The following OR8B3 variants were observed in gnomAD, a reference collection of about 807,000 sequenced individuals.
The protein encoded by OR8B3 is olfactory receptor family 8 subfamily B member 3, also known as olfactory receptor 8B3.
For missense variants in OR8B3, 278 were observed against 377.6 expected (o/e 0.74, Z 2.19); for synonymous variants, 102 against 135.4 (o/e 0.75, Z 1.71).
chr11:124,405,274 C>T, the OR8B3 span, among the ~76,000 whole-genome samples: 2 of 152,114 alleles, frequency 1.3e-5, no homozygotes, highest in African/African-American at 4.8e-5. Flanking sequence ...GTCCCCAAGA[C>T]CTGAAATTCC....
chr11:124,403,482 G>A (rs1175671301), upstream of OR8B3, among the ~76,000 whole-genome samples: 3 of 151,542 alleles, frequency 2.0e-5, no homozygotes, highest in African/African-American at 4.8e-5. Flanking sequence ...ATGGGGTCGC[G>A]GCCGGGCAGA....
chr11:124,400,192 CT>C (rs1183504931), upstream of OR8B3, among the ~76,000 whole-genome samples: 1 of 152,024 alleles, frequency 6.6e-6, no homozygotes, highest in Non-Finnish European at 1.5e-5. Flanking sequence ...GATGTATAAA[CT>C]TTTGTTTTCT....
the OR8B3 span, among the ~76,000 whole-genome samples, chr11:124,405,772 A>G: frequency 6.6e-6 from 1 of 152,254 alleles, no homozygotes; most frequent in Admixed American, 6.5e-5. Flanking sequence ...CAAAGCCCAG[A>G]GAATGATTCT....
rs764677923 is a variant in OR8B3 at position 124,396,523 on chromosome 11, A to T, written c.829T>A (p.Tyr277Asn). ...TTGAGCATGGGCACCACATTAGTGT[A>T]GAAAACAGAAGAAACTTTTCCCTGC... Reference protein sequence around the residue: ...MEQGKVSSVFYTNVVPMLNPL... With the variant: ...MEQGKVSSVFNTNVVPMLNPL... The change falls in exon 2 of 2, where the codon TAC becomes AAC. Residue 277 changes from tyrosine to asparagine, a missense_variant. Tyr to Asn is a moderately radical substitution (Grantham distance 143, BLOSUM62 -2). Coordinates refer to ENST00000641139, the MANE Select transcript of OR8B3 (RefSeq NM_001005467.2). 28 of 1,613,988 alleles carry T rather than the reference A, an allele frequency of 1.7e-5. No homozygotes were observed. The highest frequency in any genetic ancestry group is 2.3e-5 in the Non-Finnish European group (27 of 1,180,010).
At chr11:124,406,435 G>A in the OR8B3 span, among the ~76,000 whole-genome samples, 1 of 152,094 alleles carries the variant, frequency 6.6e-6, no homozygotes, top group South Asian at 2.1e-4. Context: ...CCTTTTCCCT[G>A]CGTGCTCCCT....
Position 124,396,169 on chromosome 11 carries a change from T to A in OR8B3, c.*241A>T. The stretch of plus-strand genomic sequence containing the variant: ...AGAGAGGAAGGATATAAAATGATAA[T>A]GAAAAATATCAGTGCATATGTTCCT... On this transcript the variant is annotated 3_prime_UTR_variant, in exon 2 of 2. Coordinates refer to ENST00000641139, the MANE Select transcript of OR8B3 (RefSeq NM_001005467.2). The A allele has an allele frequency of 2.4e-6, 1 of 415,768 alleles. No homozygotes were observed. The highest frequency in any genetic ancestry group is 4.2e-6 in the Non-Finnish European group (1 of 236,494). 25.8% of individuals were successfully genotyped at this position (415,768 alleles called of 1,614,324 possible). A position where few individuals can be genotyped will look rare whatever the true frequency, so the allele number is the denominator to read the frequency against.
At position 124,396,254 on chromosome 11, in the gene OR8B3, CA is replaced by C. The variant is rs1322317005; in HGVS notation, c.*155del. On this transcript the variant is annotated 3_prime_UTR_variant, in exon 2 of 2. Coordinates refer to ENST00000641139, the MANE Select transcript of OR8B3 (RefSeq NM_001005467.2). ...GTGAGAAGTGCCAGAGATGCAAAAC[CA>C]AAAAAAGAGACAAGATGATTTCATA... 9.0e-6 allele frequency: 7 copies of C among 778,832 alleles called. No homozygotes were observed. The highest frequency in any genetic ancestry group is 1.4e-5 in the Non-Finnish European group (7 of 511,746). 48.2% of individuals were successfully genotyped at this position (778,832 alleles called of 1,614,324 possible).
upstream of OR8B3, among the ~76,000 whole-genome samples, chr11:124,400,787 C>G (rs1860981638): frequency 6.6e-6 from 1 of 152,020 alleles, no homozygotes; most frequent in Non-Finnish European, 1.5e-5. Context: ...ATCCTCCCAC[C>G]TTGGCCTCCC....
the OR8B3 span, among the ~76,000 whole-genome samples, chr11:124,405,368 C>T: frequency 6.6e-6 from 1 of 152,168 alleles, no homozygotes; most frequent in Non-Finnish European, 1.5e-5. Flanking sequence ...AGACCTTATG[C>T]CGTTTCAGCA....
chr11:124,406,055 A>G, the OR8B3 span, among the ~76,000 whole-genome samples: 5 of 152,290 alleles, frequency 3.3e-5, no homozygotes, highest in East Asian at 3.9e-4. Flanking sequence ...ACTTTCCTAC[A>G]TGCCTTTGGG....
At position 124,397,225 on chromosome 11, in the gene OR8B3, G is replaced by C. The variant is rs1367452434; in HGVS notation, c.127C>G (p.Leu43Val). The C allele has an allele frequency of 6.2e-7, 1 of 1,608,504 alleles. No individual in the cohort carries two copies. The highest frequency in any genetic ancestry group is 8.5e-7 in the Non-Finnish European group (1 of 1,179,226). Residue 43 changes from leucine to valine, a missense_variant, in exon 2 of 2, where the codon CTT (leucine) becomes GTT (valine). Coordinates refer to ENST00000641139, the MANE Select transcript of OR8B3 (RefSeq NM_001005467.2). ...VVYIVTMVGNLGLIILFGLNS... is the reference protein window; with the variant it reads ...VVYIVTMVGNVGLIILFGLNS... Reference sequence around the variant, plus strand: ...AGACCGAAAAGAATGATCAAGCCAAGGTTGCCTACCATGGTGACAATGTAG... The same window carrying C: ...AGACCGAAAAGAATGATCAAGCCAACGTTGCCTACCATGGTGACAATGTAG...
chr11:124,404,223 T>C, the OR8B3 span: 1 of 152,238 alleles, frequency 6.6e-6, no homozygotes, highest in African/African-American at 2.4e-5. Flanking sequence ...AAATACGTTC[T>C]ATAGCTGTTC....
In OR8B3 at chr11:124,396,167, A is replaced by G; in HGVS notation, c.*243T>C. The G allele has an allele frequency of 4.9e-6, 2 of 411,044 alleles. No individual in the cohort carries two copies. The highest frequency in any genetic ancestry group is 8.6e-6 in the Non-Finnish European group (2 of 233,532). The allele number at this position is 411,044 out of a possible 1,614,324, so 25.5% of individuals were successfully genotyped here. On this transcript the variant is annotated 3_prime_UTR_variant, in exon 2 of 2. Coordinates refer to ENST00000641139, the MANE Select transcript of OR8B3 (RefSeq NM_001005467.2). The stretch of plus-strand genomic sequence containing the variant: ...GGAGAGAGGAAGGATATAAAATGAT[A>G]ATGAAAAATATCAGTGCATATGTTC...
chr11:124,409,803 T>C, the OR8B3 span, among the ~76,000 whole-genome samples: 2 of 152,150 alleles, frequency 1.3e-5, no homozygotes, highest in African/African-American at 4.8e-5. Context: ...GTTAGAGAAA[T>C]ACAGTTGAAC....
chr11:124,407,393 G>A, the OR8B3 span, among the ~76,000 whole-genome samples: 6 of 152,028 alleles, frequency 3.9e-5, no homozygotes, highest in African/African-American at 7.2e-5. Flanking sequence ...AATTGAGAAC[G>A]TAGTACAGAG....
At chr11:124,397,829 A>G (rs1565351310) in intron 1 of OR8B3, among the ~76,000 whole-genome samples, 1 of 151,616 alleles carries the variant, frequency 6.6e-6, no homozygotes, top group African/African-American at 2.4e-5. Context: ...CCAGGTAGCT[A>G]GGATTACAGG....
upstream of OR8B3, among the ~76,000 whole-genome samples, chr11:124,399,203 G>T (rs1171775952): frequency 1.3e-5 from 2 of 152,136 alleles, no homozygotes; most frequent in Admixed American, 1.3e-4. Flanking sequence ...ATGATTGTCA[G>T]AATTTTTGCT....
chr11:124,402,012 A>C (rs1591438315), upstream of OR8B3, among the ~76,000 whole-genome samples: 1 of 152,200 alleles, frequency 6.6e-6, no homozygotes, highest in East Asian at 1.9e-4. Context: ...AACAGTGAGT[A>C]CCTGACTTGG....
the OR8B3 span, among the ~76,000 whole-genome samples, chr11:124,405,520 G>T: frequency 1.3e-5 from 2 of 152,152 alleles, no homozygotes; most frequent in African/African-American, 4.8e-5. Flanking sequence ...GCTCAACCTC[G>T]AGGGCCCTTC....
Sources: gnomAD v4.1 joint callset for allele counts (sites outside exome capture counted in the v4.1 genomes callset) on GRCh38, gnomAD v4.1.1 for gene constraint, MANE v1.5 for transcripts, NCBI Gene and HGNC (gene_info 2026-07-23, HGNC 2026-07-21) for gene names.